The following MYO15B variants were observed in gnomAD, a reference collection of about 807,000 sequenced individuals.
The protein encoded by MYO15B is myosin XVB pseudogene.
MYO15B carries 207 observed loss-of-function variants against 119.3 expected under a neutral mutation model. The observed-to-expected ratio is 1.73, with a 90% CI of 1.55 to 1.95. MYO15B has a LOEUF of 1.95. Among genes scored for constraint, MYO15B ranks in the 30% most tolerant of loss-of-function variants. MYO15B has a pLI of 0.00. For synonymous variants in MYO15B, 966 were observed against 498.9 expected (o/e 1.94, Z -12.48); for missense variants, 2,264 against 1,203.1 (o/e 1.88, Z -13.04).
At chr17:75,593,477 A>G (rs820250) in intron 9 of MYO15B, among the ~76,000 whole-genome samples, 114,870 of 151,828 alleles carry the variant, frequency 0.76, 43,561 homozygotes, top group Admixed American at 0.82. Flanking sequence ...ACGTGCCTGG[A>G]TGTGGTGGCA....
intron 22 of MYO15B, 77 bp downstream of exon 22, chr17:75,610,336 G>T (rs2057942980): frequency 1.6e-6 from 1 of 618,992 alleles, no homozygotes. Context: ...AATCCCAGCA[G>T]CGTTGACCCT....
rs904405222 is a variant in MYO15B at position 75,591,662 on chromosome 17, C to T, written c.2497C>T (p.Gln833Ter). The change falls in exon 5 of 64, where the codon CAG (glutamine) becomes TAG (stop). Residue 833 changes from glutamine (Q) to a stop codon, truncating the protein, a stop_gained. Coordinates refer to ENST00000645453, the Ensembl canonical transcript of MYO15B. LOFTEE classifies it high-confidence loss of function. ...GACGGAAGCCGCCAAAAAGATCATGCAGTTCCTAAGCAGCCTGGAGCAGGA... is the reference window on the plus strand; with the variant it reads ...GACGGAAGCCGCCAAAAAGATCATGTAGTTCCTAAGCAGCCTGGAGCAGGA... 9 of 702,856 alleles carry T rather than the reference C, an allele frequency of 1.3e-5. No homozygotes were observed. The highest frequency in any genetic ancestry group is 5.2e-5 in the African/African-American group (3 of 57,246). 43.5% of individuals were successfully genotyped at this position (702,856 alleles called of 1,614,324 possible). A position where few individuals can be genotyped will look rare whatever the true frequency, so the allele number is the denominator to read the frequency against.
exon 46 of MYO15B, chr17:75,619,793 C>T: frequency 1.4e-6 from 1 of 702,866 alleles, no homozygotes; most frequent in East Asian, 2.7e-5. Flanking sequence ...ATTCTCTGCT[C>T]ATACAGGTGC....
exon 29 of MYO15B, chr17:75,613,775 C>T (rs1168263722): frequency 1.4e-6 from 1 of 701,806 alleles, no homozygotes; most frequent in South Asian, 1.5e-5. Flanking sequence ...TCCTGCAGAG[C>T]AGGTATGGGG....
chr17:75,619,293 TGGG>T (rs1231858818), intron 44 of MYO15B, 62 bp from the exon 45 acceptor site: 2 of 702,278 alleles, frequency 2.8e-6, no homozygotes, highest in African/African-American at 3.5e-5. Context: ...GGGAGCAGCA[TGGG>T]AGCAAACTCT....
intron 4 of MYO15B, 130 bp from the exon 5 acceptor site, chr17:75,591,469 CTA>C (rs1386573382): frequency 1.5e-6 from 1 of 645,248 alleles, no homozygotes; most frequent in Non-Finnish European, 2.8e-6. Context: ...TGCCCTGGGA[CTA>C]TCTTTCCACA....
At chr17:75,590,408 T>G (rs1410621372) in intron 1 of MYO15B, 165 bp downstream of exon 1, 3 of 397,736 alleles carry the variant, frequency 7.5e-6, no homozygotes, top group Non-Finnish European at 1.3e-5. Context: ...AGGTGCTACG[T>G]CCCCAGGACC....
In MYO15B at chr17:75,615,543, T is replaced by G. The variant is rs2058316145; in HGVS notation, c.5781T>G (p.Asp1927Glu). Residue 1927 changes from aspartate to glutamate, a missense_variant, in exon 35 of 64, where the codon GAT becomes GAG. Transcript: ENST00000645453. Reference sequence around the variant, plus strand: ...CGCAGCCACCGCTTCCCAGCCTGGATGCAGGGCAGCTGGCCGTCCAGCAGC... The same window carrying G: ...CGCAGCCACCGCTTCCCAGCCTGGAGGCAGGGCAGCTGGCCGTCCAGCAGC... 3 of 701,184 alleles carry G rather than the reference T, an allele frequency of 4.3e-6. No homozygotes were observed. The African/African-American group carries it at 5.2e-5, about 12-fold the overall frequency. The allele number at this position is 701,184 out of a possible 1,614,324, so 43.4% of individuals were successfully genotyped here. A position where few individuals can be genotyped will look rare whatever the true frequency, so the allele number is the denominator to read the frequency against.
chr17:75,595,784 C>G (rs549335147), intron 12 of MYO15B, among the ~76,000 whole-genome samples: 1 of 152,314 alleles, frequency 6.6e-6, no homozygotes, highest in East Asian at 1.9e-4. Flanking sequence ...GAGGGAGAGT[C>G]CCCCAGTCTC....
At chr17:75,619,096 G>A (rs1205688281) in intron 43 of MYO15B, 47 bp from the exon 44 acceptor site, 1 of 702,348 alleles carries the variant, frequency 1.4e-6, no homozygotes, top group East Asian at 2.7e-5. Flanking sequence ...CTCTGGGGGT[G>A]GGCTCTGTCT....
exon 6 of MYO15B, chr17:75,592,027 C>T: frequency 2.8e-6 from 2 of 702,842 alleles, no homozygotes; most frequent in East Asian, 5.4e-5. Flanking sequence ...CCAAGACCAT[C>T]CTCAATGCCA....
chr17:75,617,323 C>A lies in MYO15B; in HGVS notation c.6814+19C>A, dbSNP rs1281343017. 1.6e-6 allele frequency: 1 copy of A among 613,704 alleles called. No individual in the cohort carries two copies. Among genetic ancestry groups the A allele is most frequent in the South Asian group, 1.8e-5 (1 of 54,252 alleles). 38.0% of individuals were successfully genotyped at this position (613,704 alleles called of 1,614,324 possible). A position where few individuals can be genotyped will look rare whatever the true frequency, so the allele number is the denominator to read the frequency against. ...CGTCGTTGTAAGGAACCACATTTCT[C>A]CTGCGCCGTGGGCTTCACTGGGGCA... On this transcript the variant is annotated intron_variant, in intron 41 of 63. Transcript: ENST00000645453.
chr17:75,625,993 G>C lies in MYO15B; in HGVS notation c.9072+16G>C. On this transcript the variant is annotated intron_variant, in intron 62 of 63. Transcript: ENST00000645453. The stretch of plus-strand genomic sequence containing the variant: ...CAGCTCCCAGGTGGGCACAGCTCTT[G>C]CCTCAGCACTGGCCTAGGGACCCTT... 1.4e-6 allele frequency: 1 copy of C among 700,470 alleles called. No individual in the cohort carries two copies. 43.4% of individuals were successfully genotyped at this position (700,470 alleles called of 1,614,324 possible).
chr17:75,603,130 C>T (rs2057393370), intron 18 of MYO15B, 53 bp downstream of exon 18: 1 of 703,190 alleles, frequency 1.4e-6, no homozygotes, highest in Non-Finnish European at 2.6e-6. Flanking sequence ...GCACCTCCCT[C>T]CCCACAGCTC....
Position 75,591,715 on chromosome 17 carries a change from G to A in MYO15B, c.2547+3G>A, listed in dbSNP as rs2056464049. On this transcript the variant is annotated splice_donor_region_variant and intron_variant, in intron 5 of 63. Coordinates refer to ENST00000645453, the Ensembl canonical transcript of MYO15B. ...AGACGGGGAACCGAGAGTGTCAGGT[G>A]AGGGCCAGGCTGGAGGTACCTCATG... 1.4e-6 allele frequency: 1 copy of A among 702,936 alleles called. No individual in the cohort carries two copies. Among genetic ancestry groups the A allele is most frequent in the African/African-American group, 1.7e-5 (1 of 57,386 alleles). The allele number at this position is 702,936 out of a possible 1,614,324, so 43.5% of individuals were successfully genotyped here. A position where few individuals can be genotyped will look rare whatever the true frequency, so the allele number is the denominator to read the frequency against.
Position 75,619,865 on chromosome 17 carries a change from C to T in MYO15B, c.7302-14C>T, listed in dbSNP as rs547720956. The T allele has an allele frequency of 8.5e-6, 6 of 702,112 alleles. No homozygotes were observed. Among genetic ancestry groups the T allele is most frequent in the African/African-American group, 3.5e-5 (2 of 57,360 alleles). 43.5% of individuals were successfully genotyped at this position (702,112 alleles called of 1,614,324 possible). On this transcript the variant is annotated splice_polypyrimidine_tract_variant and intron_variant, in intron 46 of 63. Coordinates refer to ENST00000645453, the Ensembl canonical transcript of MYO15B. ...TGGCAAGGTGACCTCAGTTCATGCC[C>T]GATCCCTGCGCAGCTTTGCGGAGGT...
rs896558356 is a variant in MYO15B, at chr17:75,589,251, C to T, written c.1194C>T (p.Thr398=). ...CGCCAGAGGGCGAGGGGCAGGGTAC[C>T]GGGCCACGGGCGAGCGAGGGGTGGG... is the stretch of plus-strand genomic sequence containing the variant. The change falls in exon 1 of 64, where the codon ACC becomes ACT. Residue 398 remains threonine, a synonymous_variant. Transcript: ENST00000645453. The surrounding 1 kb of genome is among the most constrained non-coding windows in gnomAD (Gnocchi z 4.2). 2.0e-5 allele frequency: 8 copies of T among 397,788 alleles called. No homozygotes were observed. Among genetic ancestry groups the T allele is most frequent in the South Asian group, 1.3e-4 (1 of 7,876 alleles). 24.6% of individuals were successfully genotyped at this position (397,788 alleles called of 1,614,324 possible).
chr17:75,614,720 A>G (rs2058257050), intron 31 of MYO15B, 37 bp downstream of exon 31: 2 of 702,648 alleles, frequency 2.8e-6, no homozygotes, highest in Non-Finnish European at 5.2e-6. Flanking sequence ...TTGGCAGAGC[A>G]TGGGAAGCCC....
chr17:75,588,006 G>A (rs932039814), exon 1 of MYO15B: 27 of 398,046 alleles, frequency 6.8e-5, no homozygotes, highest in Middle Eastern at 6.2e-4. Context: ...CCAAATCCCC[G>A]GGGAGGGGAA....
Sources: allele counts gnomAD v4.1 joint callset (sites outside exome capture counted in the v4.1 genomes callset), GRCh38; gene constraint gnomAD v4.1.1; non-coding constraint Gnocchi (gnomAD v3.1); transcripts MANE v1.5; gene names NCBI Gene and HGNC (gene_info 2026-07-23, HGNC 2026-07-21).